TPBG: variants seen among roughly 807,000 people sequenced by gnomAD.
The protein encoded by TPBG is 5T4 oncofetal antigen.
In TPBG, 13 loss-of-function variants were observed where a neutral mutation model predicts 19.3. That is an observed-to-expected ratio of 0.67 (90% CI 0.44 to 1.07). The LOEUF is 1.07. Ranked by LOEUF, TPBG falls within the 50% of genes least tolerant of loss-of-function variation. The pLI is 0.00. For synonymous variants in TPBG, 338 were observed against 259.8 expected, an observed-to-expected ratio of 1.30 and a Z score of -2.89; for missense variants, 642 against 559.6, an observed-to-expected ratio of 1.15 and a Z score of -1.49.
At position 82,366,404 on chromosome 6, in the gene TPBG, G is replaced by A. The variant is rs1582040360; in HGVS notation, c.*180G>A. 2.9e-6 allele frequency: 2 copies of A among 686,546 alleles called. No homozygotes were observed. Among genetic ancestry groups the A allele is most frequent in the East Asian group, 5.7e-5 (2 of 35,358 alleles). The allele number at this position is 686,546 out of a possible 1,614,324, so 42.5% of individuals were successfully genotyped here. A position where few individuals can be genotyped will look rare whatever the true frequency, so the allele number is the denominator to read the frequency against. ...TTCTCGGTGTGTTCTGTTAATGTAA[G>A]ACGATGAACAGTTGTGTATAGTGTT... On this transcript the variant is annotated 3_prime_UTR_variant, in exon 2 of 2. Coordinates refer to ENST00000369750, the MANE Select transcript of TPBG (RefSeq NM_001376922.1).
At position 82,366,793 on chromosome 6, in the gene TPBG, A is replaced by T. The variant is rs903373331; in HGVS notation, c.*569A>T. The T allele has an allele frequency of 7.8e-5, 13 of 167,082 alleles. No homozygotes were observed. The highest frequency in any genetic ancestry group is 3.1e-4 in the African/African-American group (13 of 41,456). The allele number at this position is 167,082 out of a possible 1,614,324, so 10.3% of individuals were successfully genotyped here. A position where few individuals can be genotyped will look rare whatever the true frequency, so the allele number is the denominator to read the frequency against. ...ATTACAAAAAATAACTTGCAACTTC[A>T]TAACTTCTTTGACAAAGTAAATTAC... On this transcript the variant is annotated 3_prime_UTR_variant, in exon 2 of 2. Coordinates refer to ENST00000369750, the MANE Select transcript of TPBG (RefSeq NM_001376922.1).
Position 82,366,639 on chromosome 6 carries a change from C to G in TPBG, c.*415C>G, listed in dbSNP as rs778123128. On this transcript the variant is annotated 3_prime_UTR_variant, in exon 2 of 2. Transcript: ENST00000369750. ...TAAATATCAGTTTTATTCTCATGTA[C>G]CTAAGTTGTGGAGAAAATAATTGCA... The G allele has an allele frequency of 7.6e-5, 13 of 171,306 alleles. No homozygotes were observed. Among genetic ancestry groups the G allele is most frequent in the South Asian group, 2.0e-4 (1 of 5,052 alleles). 10.6% of individuals were successfully genotyped at this position (171,306 alleles called of 1,614,324 possible).
At position 82,365,563 on chromosome 6, in the gene TPBG, C is replaced by A; in HGVS notation, c.602C>A (p.Ala201Glu). Residue 201 changes from alanine (A) to glutamate (E), a missense_variant, in exon 2 of 2, where the codon GCG (alanine) becomes GAG (glutamate). Transcript: ENST00000369750. Reference protein sequence around the residue: ...QNRSFEGMVVAALLAGRALQG... With the variant: ...QNRSFEGMVVEALLAGRALQG... Reference sequence around the variant, plus strand: ...CGGAGCTTCGAGGGCATGGTGGTGGCGGCCCTGCTGGCGGGCCGTGCACTG... The same window carrying A: ...CGGAGCTTCGAGGGCATGGTGGTGGAGGCCCTGCTGGCGGGCCGTGCACTG... 1.3e-6 allele frequency: 2 copies of A among 1,578,238 alleles called. No individual in the cohort carries two copies. The highest frequency in any genetic ancestry group is 1.7e-6 in the Non-Finnish European group (2 of 1,163,704).
At position 82,365,466 on chromosome 6, in the gene TPBG, G is replaced by C; in HGVS notation, c.505G>C (p.Val169Leu). The C allele has an allele frequency of 6.2e-7, 1 of 1,610,094 alleles. No individual in the cohort carries two copies. The highest frequency in any genetic ancestry group is 8.5e-7 in the Non-Finnish European group (1 of 1,178,394). ...PFAFSGSNASVSAPSPLVELI... is the reference protein window; with the variant it reads ...PFAFSGSNASLSAPSPLVELI... ...CGCTTTCTCGGGCAGCAATGCCAGC[G>C]TCTCGGCCCCCAGTCCCCTTGTGGA... Residue 169 changes from valine (V) to leucine (L), a missense_variant, in exon 2 of 2, where the codon GTC becomes CTC. Val to Leu is a conservative substitution (Grantham distance 32). Coordinates refer to ENST00000369750, the MANE Select transcript of TPBG (RefSeq NM_001376922.1).
chr6:82,366,336 A>G lies in TPBG; in HGVS notation c.*112A>G. On this transcript the variant is annotated 3_prime_UTR_variant, in exon 2 of 2. Coordinates refer to ENST00000369750, the MANE Select transcript of TPBG (RefSeq NM_001376922.1). ...TCCACTATAGATACAACGGACTTTGACTAAAAGCAGTGAAGGGGATTTGCT... is the reference window on the plus strand; with the variant it reads ...TCCACTATAGATACAACGGACTTTGGCTAAAAGCAGTGAAGGGGATTTGCT... 7.8e-7 allele frequency: 1 copy of G among 1,277,440 alleles called. No individual in the cohort carries two copies. The highest frequency in any genetic ancestry group is 1.1e-6 in the Non-Finnish European group (1 of 948,834). The allele number at this position is 1,277,440 out of a possible 1,614,324, so 79.1% of individuals were successfully genotyped here.
In TPBG at chr6:82,365,564, G is replaced by A. The variant is rs142377093; in HGVS notation, c.603G>A (p.Ala201=). ...GGAGCTTCGAGGGCATGGTGGTGGC[G>A]GCCCTGCTGGCGGGCCGTGCACTGC... is the stretch of plus-strand genomic sequence containing the variant. The part of the protein sequence containing the change: ...QNRSFEGMVV[A]ALLAGRALQG... Residue 201 remains alanine (A), a synonymous_variant, in exon 2 of 2, where the codon GCG becomes GCA. Coordinates refer to ENST00000369750, the MANE Select transcript of TPBG (RefSeq NM_001376922.1). The A allele has an allele frequency of 2.2e-5, 34 of 1,578,648 alleles. 1 individual carries two copies. In the African/African-American group the frequency reaches 3.6e-4, roughly 17 times the overall value.
In TPBG at chr6:82,364,803, G is replaced by A; in HGVS notation, c.-159G>A. ...GAGGGAAGCGCCCGGTGGCGAGGGGGTTAGCCAAGTTCCGGCTGCGGCGCC... is the reference window on the plus strand; with the variant it reads ...GAGGGAAGCGCCCGGTGGCGAGGGGATTAGCCAAGTTCCGGCTGCGGCGCC... On this transcript the variant is annotated 5_prime_UTR_variant, in exon 2 of 2. Coordinates refer to ENST00000369750, the MANE Select transcript of TPBG (RefSeq NM_001376922.1). The A allele has an allele frequency of 3.4e-6, 2 of 585,928 alleles. No homozygotes were observed. Among genetic ancestry groups the A allele is most frequent in the Non-Finnish European group, 5.4e-6 (2 of 370,030 alleles). The allele number at this position is 585,928 out of a possible 1,614,324, so 36.3% of individuals were successfully genotyped here.
At position 82,366,153 on chromosome 6, in the gene TPBG, G is replaced by T. The variant is rs762659958; in HGVS notation, c.1192G>T (p.Gly398Trp). 1.2e-6 allele frequency: 2 copies of T among 1,613,680 alleles called. No individual in the cohort carries two copies. The highest frequency in any genetic ancestry group is 8.5e-7 in the Non-Finnish European group (1 of 1,179,878). Residue 398 changes from glycine (G) to tryptophan (W), a missense_variant, in exon 2 of 2, where the codon GGG becomes TGG. Physicochemically the swap from Gly to Trp is radical, Grantham distance 184. Transcript: ENST00000369750. ...AGATGCCTGCAGGGATCACATGGAAGGGTATCATTACAGATATGAAATCAA... is the reference window on the plus strand; with the variant it reads ...AGATGCCTGCAGGGATCACATGGAATGGTATCATTACAGATATGAAATCAA... ...IRDACRDHMEGYHYRYEINAD... is the reference protein window; with the variant it reads ...IRDACRDHMEWYHYRYEINAD...
Position 82,365,438 on chromosome 6 carries a change from C to T in TPBG, c.477C>T (p.Pro159=). Residue 159 remains proline, a synonymous_variant, in exon 2 of 2, where the codon CCC becomes CCT. Transcript: ENST00000369750. ...LSHNPLADLS[P]FAFSGSNASV... is the part of the protein sequence containing the mutation. Reference sequence around the variant, plus strand: ...ACAACCCACTGGCCGACCTCAGTCCCTTCGCTTTCTCGGGCAGCAATGCCA... The same window carrying T: ...ACAACCCACTGGCCGACCTCAGTCCTTTCGCTTTCTCGGGCAGCAATGCCA... 6.2e-7 allele frequency: 1 copy of T among 1,611,184 alleles called. No individual in the cohort carries two copies. The highest frequency in any genetic ancestry group is 1.1e-5 in the South Asian group (1 of 90,764).
Position 82,364,914 on chromosome 6 carries a change from T to A in TPBG, c.-48T>A. 7.3e-7 allele frequency: 1 copy of A among 1,363,014 alleles called. No individual in the cohort carries two copies. The highest frequency in any genetic ancestry group is 9.5e-7 in the Non-Finnish European group (1 of 1,053,094). The allele number at this position is 1,363,014 out of a possible 1,614,324, so 84.4% of individuals were successfully genotyped here. A position where few individuals can be genotyped will look rare whatever the true frequency, so the allele number is the denominator to read the frequency against. Reference sequence around the variant, plus strand: ...CCTCCGGGCCCAGCCTCCCGAGCCTTCGGAGCGGGCGCCGTCCCAGCCCAG... The same window carrying A: ...CCTCCGGGCCCAGCCTCCCGAGCCTACGGAGCGGGCGCCGTCCCAGCCCAG... On this transcript the variant is annotated 5_prime_UTR_variant, in exon 2 of 2. Transcript: ENST00000369750.
rs903063123 is a variant in TPBG, at chr6:82,365,582, T to G, written c.621T>G (p.Arg207=). 6.3e-7 allele frequency: 1 copy of G among 1,592,538 alleles called. No individual in the cohort carries two copies. The highest frequency in any genetic ancestry group is 1.7e-4 in the Middle Eastern group (1 of 5,942). ...TGGTGGCGGCCCTGCTGGCGGGCCG[T>G]GCACTGCAGGGGCTCCGCCGCTTGG... ...GMVVAALLAG[R]ALQGLRRLEL... is the part of the protein sequence containing the mutation. Residue 207 remains arginine, a synonymous_variant, in exon 2 of 2, where the codon CGT becomes CGG. Coordinates refer to ENST00000369750, the MANE Select transcript of TPBG (RefSeq NM_001376922.1).
chr6:82,365,925 A>G lies in TPBG; in HGVS notation c.964A>G (p.Thr322Ala). 1 of 1,614,160 alleles carries G rather than the reference A, an allele frequency of 6.2e-7. No homozygotes were observed. The highest frequency in any genetic ancestry group is 8.5e-7 in the Non-Finnish European group (1 of 1,180,034). ...GGTAGTGCAGGGCAAAGACCGGCTC[A>G]CCTGTGCATATCCGGAAAAAATGAG... ...TEVVQGKDRL[T>A]CAYPEKMRNR... The change falls in exon 2 of 2, where the codon ACC (threonine) becomes GCC (alanine). Residue 322 changes from threonine (T) to alanine (A), a missense_variant. Coordinates refer to ENST00000369750, the MANE Select transcript of TPBG (RefSeq NM_001376922.1).
In TPBG at chr6:82,365,865, A is replaced by G; in HGVS notation, c.904A>G (p.Met302Val). ...DNNPWVCDCHMADMVTWLKET... is the reference protein window; with the variant it reads ...DNNPWVCDCHVADMVTWLKET... ...CAATCCCTGGGTCTGCGACTGCCAC[A>G]TGGCAGACATGGTGACCTGGCTCAA... is the stretch of plus-strand genomic sequence containing the variant. Residue 302 changes from methionine to valine, a missense_variant, in exon 2 of 2, where the codon ATG (methionine) becomes GTG (valine). Physicochemically the swap from Met to Val is conservative, Grantham distance 21 (BLOSUM62 1). Transcript: ENST00000369750. 6.2e-7 allele frequency: 1 copy of G among 1,614,154 alleles called. No individual in the cohort carries two copies. Among genetic ancestry groups the G allele is most frequent in the Non-Finnish European group, 8.5e-7 (1 of 1,180,026 alleles).
In TPBG at chr6:82,364,978, C is replaced by A; in HGVS notation, c.17C>A (p.Ser6Tyr). 1 of 1,515,976 alleles carries A rather than the reference C, an allele frequency of 6.6e-7. No homozygotes were observed. The highest frequency in any genetic ancestry group is 2.7e-5 in the East Asian group (1 of 37,656). 93.9% of individuals were successfully genotyped at this position (1,515,976 alleles called of 1,614,324 possible). MPGGC[S>Y]RGPAAGDGRL... ...CGAGCCGCGATGCCTGGGGGGTGCT[C>A]CCGGGGCCCCGCCGCCGGGGACGGG... The change falls in exon 2 of 2, where the codon TCC becomes TAC. Residue 6 changes from serine to tyrosine, a missense_variant. Transcript: ENST00000369750.
chr6:82,366,292 G>A lies in TPBG; in HGVS notation c.*68G>A, dbSNP rs1467763596. On this transcript the variant is annotated 3_prime_UTR_variant, in exon 2 of 2. Transcript: ENST00000369750. ...TAGACTTAAGCTTTATCCCTACTAG[G>A]CTTGCTCCACTTTCATCCTCCACTA... 1.3e-6 allele frequency: 2 copies of A among 1,497,836 alleles called. No individual in the cohort carries two copies. Among genetic ancestry groups the A allele is most frequent in the African/African-American group, 1.4e-5 (1 of 71,036 alleles). 92.8% of individuals were successfully genotyped at this position (1,497,836 alleles called of 1,614,324 possible). A position where few individuals can be genotyped will look rare whatever the true frequency, so the allele number is the denominator to read the frequency against.
At position 82,366,897 on chromosome 6, in the gene TPBG, T is replaced by TA. The variant is rs770267901; in HGVS notation, c.*687dup. On this transcript the variant is annotated 3_prime_UTR_variant, in exon 2 of 2. Transcript: ENST00000369750. ...ATCGAGATCCAACCGACTGAATTGT[T>TA]AAAAAAAAAAAAAATAAAGATTCTT... is the stretch of plus-strand genomic sequence containing the variant. The TA allele has an allele frequency of 0.027, 4,083 of 153,550 alleles. 106 individuals carry two copies. The highest frequency in any genetic ancestry group is 0.077 in the African/African-American group (3,016 of 39,404). 9.5% of individuals were successfully genotyped at this position (153,550 alleles called of 1,614,324 possible). A position where few individuals can be genotyped will look rare whatever the true frequency, so the allele number is the denominator to read the frequency against.
chr6:82,363,578 G>A (rs1318257030), upstream of TPBG: 1 of 152,368 alleles, frequency 6.6e-6, no homozygotes, highest in African/African-American at 2.4e-5. Context: ...ACCCAAGGAT[G>A]TCGGGGAGGG....
At position 82,364,768 on chromosome 6, in the gene TPBG, A is replaced by C; in HGVS notation, c.-194A>C. On this transcript the variant is annotated 5_prime_UTR_variant, in exon 2 of 2. Coordinates refer to ENST00000369750, the MANE Select transcript of TPBG (RefSeq NM_001376922.1). ...CTTTCTGGAGGGAAGGGGCGGGGGA[A>C]TCGGCCCCTGAGGGAAGCGCCCGGT... 2.1e-6 allele frequency: 1 copy of C among 472,074 alleles called. No individual in the cohort carries two copies. Among genetic ancestry groups the C allele is most frequent in the Non-Finnish European group, 3.6e-6 (1 of 275,440 alleles). The allele number at this position is 472,074 out of a possible 1,614,324, so 29.2% of individuals were successfully genotyped here.
rs1767439938 is a variant in TPBG, at chr6:82,365,001, G to T, written c.40G>T (p.Gly14Trp). The T allele has an allele frequency of 2.0e-6, 3 of 1,529,480 alleles. No individual in the cohort carries two copies. The highest frequency in any genetic ancestry group is 2.6e-5 in the East Asian group (1 of 37,836). The allele number at this position is 1,529,480 out of a possible 1,614,324, so 94.7% of individuals were successfully genotyped here. A position where few individuals can be genotyped will look rare whatever the true frequency, so the allele number is the denominator to read the frequency against. Reference protein sequence around the residue: ...GCSRGPAAGDGRLRLARLALV... With the variant: ...GCSRGPAAGDWRLRLARLALV... ...CTCCCGGGGCCCCGCCGCCGGGGAC[G>T]GGCGTCTGCGGCTGGCGCGACTAGC... The change falls in exon 2 of 2, where the codon GGG becomes TGG. Residue 14 changes from glycine to tryptophan, a missense_variant. Physicochemically the swap from Gly to Trp is radical, Grantham distance 184 (BLOSUM62 -2). Transcript: ENST00000369750.
Sources: allele counts gnomAD v4.1 joint callset, GRCh38; gene constraint gnomAD v4.1.1; transcripts MANE v1.5; gene names NCBI Gene and HGNC (gene_info 2026-07-23, HGNC 2026-07-21).